The following CEP72 variants were observed in gnomAD, a reference collection of about 807,000 sequenced individuals.
CEP72 encodes centrosomal protein 72, also known as centrosomal protein of 72 kDa.
Under a neutral mutation model 65.7 loss-of-function variants are expected in CEP72, and 78 were observed. That is an observed-to-expected ratio of 1.19 (90% CI 0.99 to 1.43). CEP72 has a LOEUF of 1.43. Among genes scored for constraint, CEP72 ranks in the 40% most tolerant of loss-of-function variants. The pLI is 0.00. For synonymous variants in CEP72, 358 were observed against 351.7 expected (o/e 1.02, Z -0.20); for missense variants, 914 against 832.9 (o/e 1.10, Z -1.20).
At position 635,551 on chromosome 5, in the gene CEP72, C is replaced by G. The variant is rs1737533229; in HGVS notation, c.871C>G (p.Pro291Ala). 1 of 1,613,866 alleles carries G rather than the reference C, an allele frequency of 6.2e-7. No individual in the cohort carries two copies. The highest frequency in any genetic ancestry group is 2.2e-5 in the East Asian group (1 of 44,874). The change falls in exon 6 of 12, where the codon CCC becomes GCC. Residue 291 changes from proline (P) to alanine (A), a missense_variant. Transcript: ENST00000264935. ...AGCGGAGCCAGAGGCCTCCCGTGCC[C>G]CCAGGCCACACACGTACTTCACCCC... ...YGAEPEASRA[P>A]RPHTYFTPHP...
intron 11 of CEP72, among the ~76,000 whole-genome samples, chr5:648,853 AG>A: frequency 6.2e-5 from 1 of 16,060 alleles, no homozygotes; most frequent in African/African-American, 2.5e-4. Flanking sequence ...GTGGACTGTG[AG>A]GTGTGACTGT....
intron 11 of CEP72, among the ~76,000 whole-genome samples, chr5:649,329 TGACTGTGAGGCGTG>T (rs1738741995): frequency 8.8e-6 from 1 of 113,180 alleles, no homozygotes; most frequent in East Asian, 3.1e-4. Context: ...CTGTGAGGCG[TGACTGTGAGGCGTG>T]GACTGTGAGG....
At chr5:634,543 C>T (rs1218811525) in intron 5 of CEP72, among the ~76,000 whole-genome samples, 1 of 152,202 alleles carries the variant, frequency 6.6e-6, no homozygotes, top group African/African-American at 2.4e-5. Flanking sequence ...CAGCGGTGCT[C>T]GAGCCATGTC....
chr5:631,908 G>A (rs1334164539), intron 4 of CEP72, among the ~76,000 whole-genome samples: 7 of 44,210 alleles, frequency 1.6e-4, no homozygotes, highest in Non-Finnish European at 3.1e-4. Flanking sequence ...GTCCAGTGCC[G>A]GGATTTGGCC....
At chr5:629,972 A>C (rs55900315) in intron 4 of CEP72, among the ~76,000 whole-genome samples, 1 of 40,446 alleles carries the variant, frequency 2.5e-5, no homozygotes, top group African/African-American at 2.4e-4. Flanking sequence ...GATTTAGACC[A>C]GTCCTGGTGG....
At chr5:618,872 T>G in intron 1 of CEP72, 118 bp from the exon 2 acceptor site, 1 of 805,368 alleles carries the variant, frequency 1.2e-6, no homozygotes, top group Non-Finnish European at 1.9e-6. Flanking sequence ...TGAGTAAAGT[T>G]GAATTAAACC....
At position 648,737 on chromosome 5, in the gene CEP72, T is replaced by TGTG. The variant is rs754123232; in HGVS notation, c.1778+822_1778+823insTGG. Among the ~76,000 whole-genome samples, 42 of 48,646 alleles carry TGTG rather than the reference T, an allele frequency of 8.6e-4. 6 individuals are homozygous for TGTG. Among genetic ancestry groups the TGTG allele is most frequent in the Non-Finnish European group, 1.5e-3 (36 of 23,462 alleles). 31.9% of individuals were successfully genotyped at this position (48,646 alleles called of 152,430 possible). ...GACTGTGAGGCGTGACTGTGAGGCATGACTGTGAGGTGTGGACTGTGAGGT... is the reference window on the plus strand; with the variant it reads ...GACTGTGAGGCGTGACTGTGAGGCATGTGGACTGTGAGGTGTGGACTGTGAGGT... On this transcript the variant is annotated intron_variant, in intron 11 of 11. Transcript: ENST00000264935.
At chr5:654,047 TGCTA>T (rs1200842705), downstream of CEP72, among the ~76,000 whole-genome samples, 6 of 146,404 alleles carry the variant, frequency 4.1e-5, no homozygotes, top group East Asian at 4.2e-4. Context: ...TGTGTGTGTG[TGCTA>T]GCTGTGTGTG....
intron 1 of CEP72, among the ~76,000 whole-genome samples, chr5:615,930 T>C (rs1735960882): frequency 6.6e-6 from 1 of 152,260 alleles, no homozygotes; most frequent in Non-Finnish European, 1.5e-5. Flanking sequence ...AAGTGAAATA[T>C]AGAAACTTTA....
chr5:652,088 G>A (rs1056782752), intron 11 of CEP72, among the ~76,000 whole-genome samples: 5 of 152,206 alleles, frequency 3.3e-5, no homozygotes, highest in African/African-American at 1.2e-4. Context: ...TGGCGGCCGC[G>A]GGTGCAGTGC....
At chr5:628,615 TCGCAGTCCCCGGGGAG>T (rs1736947254) in intron 4 of CEP72, among the ~76,000 whole-genome samples, 5 of 115,030 alleles carry the variant, frequency 4.3e-5, no homozygotes, top group Admixed American at 1.8e-4. Flanking sequence ...AGAACTCAGG[TCGCAGTCCCCGGGGAG>T]TGGCCCCAGG....
intron 2 of CEP72, 41 bp from the exon 3 acceptor site, chr5:620,028 G>T: frequency 6.5e-7 from 1 of 1,542,946 alleles, no homozygotes; most frequent in Non-Finnish European, 8.9e-7. Context: ...TGTATTTCTT[G>T]TTTAAAGTGT....
rs1237308382 is a variant in CEP72, at chr5:641,325, C to T, written c.1539+721C>T. On this transcript the variant is annotated intron_variant, in intron 9 of 11. Transcript: ENST00000264935. The stretch of plus-strand genomic sequence containing the variant: ...GCCACACCCAGGCAGAAGCCGCCCT[C>T]CGGGAGTCCTGGTGTGAGGGCAGAG... The T allele has an allele frequency of 3.0e-6, 3 of 985,324 alleles. No individual in the cohort carries two copies. The East Asian group carries it at 3.4e-4, about 112-fold the overall frequency. The allele number at this position is 985,324 out of a possible 1,614,324, so 61.0% of individuals were successfully genotyped here. A position where few individuals can be genotyped will look rare whatever the true frequency, so the allele number is the denominator to read the frequency against.
chr5:648,376 G>A (rs111916369), intron 11 of CEP72, among the ~76,000 whole-genome samples: 6 of 133,222 alleles, frequency 4.5e-5, no homozygotes, highest in African/African-American at 1.9e-4. Context: ...GTGTGACCAC[G>A]AGGCATGGAC....
chr5:639,429 G>T (rs1737852332), intron 8 of CEP72, among the ~76,000 whole-genome samples: 1 of 152,244 alleles, frequency 6.6e-6, no homozygotes. Flanking sequence ...CACCACATGG[G>T]CCTGGGCCTG....
chr5:641,025 C>A (rs1737978620), intron 9 of CEP72: 1 of 985,324 alleles, frequency 1.0e-6, no homozygotes, highest in South Asian at 4.7e-5. Context: ...CAAGTTACCC[C>A]AAAACCAGCA....
intron 10 of CEP72, among the ~76,000 whole-genome samples, chr5:647,412 T>C (rs1738495023): frequency 6.6e-6 from 1 of 152,268 alleles, no homozygotes; most frequent in Admixed American, 6.5e-5. Context: ...CACTGTGGGC[T>C]GCTTGGTGCT....
At chr5:636,041 G>C (rs56403968) in intron 6 of CEP72, among the ~76,000 whole-genome samples, 2 of 151,820 alleles carry the variant, frequency 1.3e-5, no homozygotes, top group Admixed American at 6.6e-5. Context: ...CCTCTTAAAG[G>C]CCCTCCGCTT....
chr5:644,370 G>C lies in CEP72; in HGVS notation c.1611G>C (p.Met537Ile). The C allele has an allele frequency of 6.2e-7, 1 of 1,613,954 alleles. No individual in the cohort carries two copies. Among genetic ancestry groups the C allele is most frequent in the Non-Finnish European group, 8.5e-7 (1 of 1,179,964 alleles). Residue 537 changes from methionine to isoleucine, a missense_variant, in exon 10 of 12, where the codon ATG becomes ATC. By Grantham distance (10) the Met-to-Ile change is conservative. Transcript: ENST00000264935. Reference protein sequence around the residue: ...NSRLKSLLLSMKKEVKSADTA... With the variant: ...NSRLKSLLLSIKKEVKSADTA... ...GGTTAAAATCGCTTTTGTTGAGTAT[G>C]AAAAAGGAAGTGAAGAGTGCAGACA...
Sources: gnomAD v4.1 joint callset for allele counts (sites outside exome capture counted in the v4.1 genomes callset) on GRCh38, gnomAD v4.1.1 for gene constraint, MANE v1.5 for transcripts, NCBI Gene and HGNC (gene_info 2026-07-23, HGNC 2026-07-21) for gene names.